The following EPHA5 variants were observed in gnomAD, a reference collection of about 807,000 sequenced individuals.
EPHA5 encodes EPH receptor A5.
In EPHA5, 60 loss-of-function variants were observed where a neutral mutation model predicts 105.0. The observed-to-expected ratio is 0.57, with a 90% confidence interval of 0.46 to 0.71. The LOEUF (loss-of-function observed/expected upper bound fraction) is 0.71. Ranked by LOEUF, EPHA5 falls within the 30% of genes least tolerant of loss-of-function variation. The pLI is 0.00. For synonymous variants in EPHA5, 513 were observed against 449.1 expected (o/e 1.14, Z -1.80); for missense variants, 1,218 against 1,274.7 (o/e 0.96, Z 0.68).
intron 7 of EPHA5, among the ~76,000 whole-genome samples, chr4:65,412,520 T>C (rs557576316): frequency 4.7e-4 from 72 of 152,268 alleles, no homozygotes; most frequent in African/African-American, 1.7e-3. Flanking sequence ...AGTTTTTAAA[T>C]ATATTTGCAC....
At chr4:65,339,213 C>T (rs1180580045) in intron 14 of EPHA5, among the ~76,000 whole-genome samples, 1 of 152,078 alleles carries the variant, frequency 6.6e-6, no homozygotes, top group African/African-American at 2.4e-5. Context: ...CCTTCTATCA[C>T]ATAAGTGTCA....
chr4:65,395,659 A>G (rs887246304), intron 8 of EPHA5, among the ~76,000 whole-genome samples: 1 of 152,212 alleles, frequency 6.6e-6, no homozygotes, highest in Non-Finnish European at 1.5e-5. Context: ...ATTGTTGAAT[A>G]GAACATAAGG....
At chr4:65,365,354 T>G in intron 10 of EPHA5, 152 bp from the exon 11 acceptor site, 1 of 644,236 alleles carries the variant, frequency 1.6e-6, no homozygotes, top group Non-Finnish European at 2.6e-6. Context: ...AAAAGGGTAG[T>G]CTACACTACA....
intron 2 of EPHA5, among the ~76,000 whole-genome samples, chr4:65,624,122 T>C (rs1265894769): frequency 6.6e-6 from 1 of 152,094 alleles, no homozygotes; most frequent in Non-Finnish European, 1.5e-5. Flanking sequence ...GATCAGAGAA[T>C]AGGTAAATAA....
At chr4:65,497,908 T>C (rs1732102069) in intron 3 of EPHA5, among the ~76,000 whole-genome samples, 1 of 151,940 alleles carries the variant, frequency 6.6e-6, no homozygotes. Flanking sequence ...GTAAATGTGA[T>C]AGACACAGCC....
chr4:65,530,425 TG>T (rs1735657808), intron 3 of EPHA5, among the ~76,000 whole-genome samples: 1 of 152,012 alleles, frequency 6.6e-6, no homozygotes, highest in Non-Finnish European at 1.5e-5. Context: ...TGTGTGTGTG[TG>T]TGTGTGTGCG....
At chr4:65,337,359 C>G (rs1218478956) in intron 14 of EPHA5, among the ~76,000 whole-genome samples, 2 of 152,112 alleles carry the variant, frequency 1.3e-5, no homozygotes, top group African/African-American at 4.8e-5. Context: ...TAACCAGCAT[C>G]TCCCCCTCCT....
At chr4:65,494,904 G>C (rs1731765591) in intron 4 of EPHA5, among the ~76,000 whole-genome samples, 1 of 152,062 alleles carries the variant, frequency 6.6e-6, no homozygotes, top group Admixed American at 6.6e-5. Context: ...ACAAGATGGT[G>C]AAGGCTCCAT....
chr4:65,451,303 T>A (rs1727042103), intron 5 of EPHA5, among the ~76,000 whole-genome samples: 1 of 152,174 alleles, frequency 6.6e-6, no homozygotes, highest in Non-Finnish European at 1.5e-5. Context: ...CTTCAAATAA[T>A]CTTTTTTGAT....
intron 3 of EPHA5, among the ~76,000 whole-genome samples, chr4:65,502,018 A>G (rs1241643050): frequency 2.0e-5 from 3 of 151,874 alleles, no homozygotes; most frequent in African/African-American, 4.8e-5. Flanking sequence ...TTCCCATTCA[A>G]TAAATGGTGC....
rs572479981 is a variant in EPHA5, at chr4:65,432,728, C to T, written c.1403-12163G>A. On this transcript the variant is annotated intron_variant, in intron 5 of 16. Coordinates refer to ENST00000613740, the MANE Select transcript of EPHA5 (RefSeq NM_001281766.3). The stretch of plus-strand genomic sequence containing the variant: ...GAATATAGGTGGGCAGTGCTACACC[C>T]AGCTAGTTTATTTATTTATTTAATT... 1.7e-3 allele frequency among the ~76,000 whole-genome samples: 262 copies of T among 151,958 alleles called. 1 individual carries two copies. Among genetic ancestry groups the T allele is most frequent in the South Asian group, 2.9e-3 (14 of 4,808 alleles).
chr4:65,561,603 G>T (rs1739025382), intron 3 of EPHA5, among the ~76,000 whole-genome samples: 1 of 152,064 alleles, frequency 6.6e-6, no homozygotes, highest in Non-Finnish European at 1.5e-5. Flanking sequence ...TTGAGTAAAA[G>T]CAGAAAGTGA....
intron 2 of EPHA5, among the ~76,000 whole-genome samples, chr4:65,635,481 T>C (rs1050035880): frequency 6.6e-6 from 1 of 152,134 alleles, no homozygotes; most frequent in Admixed American, 6.6e-5. Flanking sequence ...CAGGGGAATG[T>C]AGTGGTTTCC....
At chr4:65,541,871 C>A (rs1157016625) in intron 3 of EPHA5, among the ~76,000 whole-genome samples, 1 of 151,926 alleles carries the variant, frequency 6.6e-6, no homozygotes, top group Non-Finnish European at 1.5e-5. Flanking sequence ...TGCAAAAGAA[C>A]TGAAATCGTA....
intron 14 of EPHA5, among the ~76,000 whole-genome samples, chr4:65,345,778 C>CTTTT (rs36012642): frequency 1.3e-5 from 2 of 150,940 alleles, no homozygotes; most frequent in Admixed American, 1.3e-4. Context: ...CTTTTCTTTT[C>CTTTT]TTTTTTTTTC....
chr4:65,463,936 TA>T (rs1397113691), intron 5 of EPHA5, among the ~76,000 whole-genome samples: 1 of 152,034 alleles, frequency 6.6e-6, no homozygotes, highest in Non-Finnish European at 1.5e-5. Context: ...TCCTGACTCT[TA>T]AAATCTATCT....
At chr4:65,587,568 T>C (rs1253522757) in intron 3 of EPHA5, among the ~76,000 whole-genome samples, 1 of 152,124 alleles carries the variant, frequency 6.6e-6, no homozygotes, top group Non-Finnish European at 1.5e-5. Flanking sequence ...ATGTTGAGCT[T>C]ATGCCAAAAG....
At position 65,322,546 on chromosome 4, in the gene EPHA5, T is replaced by A. The variant is rs188804150; in HGVS notation, c.*1568A>T. On this transcript the variant is annotated 3_prime_UTR_variant, in exon 17 of 17. Transcript: ENST00000613740. ...AAGTGTAATAATACAAAAATGTTGG[T>A]TATCTCAGGAGCTCAGTTTTGGACA... The A allele has an allele frequency of 3.0e-4, 67 of 225,072 alleles. No individual in the cohort carries two copies. Among genetic ancestry groups the A allele is most frequent in the South Asian group, 1.6e-3 (9 of 5,472 alleles). The allele number at this position is 225,072 out of a possible 1,614,324, so 13.9% of individuals were successfully genotyped here. A position where few individuals can be genotyped will look rare whatever the true frequency, so the allele number is the denominator to read the frequency against.
intron 5 of EPHA5, among the ~76,000 whole-genome samples, chr4:65,449,880 A>G (rs561162994): frequency 6.6e-5 from 10 of 151,950 alleles, no homozygotes; most frequent in Non-Finnish European, 1.3e-4. Context: ...GGCCTGAAAC[A>G]GGTCCTCCTT....
Sources: gnomAD v4.1 joint callset for allele counts (sites outside exome capture counted in the v4.1 genomes callset) on GRCh38, gnomAD v4.1.1 for gene constraint, MANE v1.5 for transcripts, NCBI Gene and HGNC (gene_info 2026-07-23, HGNC 2026-07-21) for gene names.